The following PLA2G2C variants were observed in gnomAD, a reference collection of about 807,000 sequenced individuals.
The protein encoded by PLA2G2C is phospholipase A2 group IIC, also known as putative inactive group IIC secretory phospholipase A2.
A neutral mutation model predicts 14.3 loss-of-function variants in PLA2G2C; 15 were observed. That is an observed-to-expected ratio of 1.05 (90% CI 0.70 to 1.62). PLA2G2C has a LOEUF of 1.62. PLA2G2C is among the 40% of genes most tolerant of loss of function. The pLI is 0.00. For synonymous variants in PLA2G2C, 79 were observed against 67.7 expected, an observed-to-expected ratio of 1.17 and a Z score of -0.82; for missense variants, 162 against 173.2, an observed-to-expected ratio of 0.94 and a Z score of 0.36.
chr1:20,181,719 G>T (rs1424623775), intron 1 of PLA2G2C, among the ~76,000 whole-genome samples: 1 of 152,198 alleles, frequency 6.6e-6, no homozygotes, highest in African/African-American at 2.4e-5. Context: ...TAATAGGAAG[G>T]TAAGCAAGGG....
chr1:20,164,265 A>C, intron 4 of PLA2G2C, 108 bp from the exon 5 acceptor site: 1 of 1,156,358 alleles, frequency 8.6e-7, no homozygotes, highest in East Asian at 2.5e-5. Context: ...GGTTAAGGAC[A>C]GAAAGGAAAG....
intron 4 of PLA2G2C, among the ~76,000 whole-genome samples, chr1:20,169,861 C>T (rs528663229): frequency 2.0e-5 from 3 of 152,218 alleles, no homozygotes; most frequent in Admixed American, 6.5e-5. Flanking sequence ...GGCCTTACAG[C>T]GAAGCAAACT....
intron 3 of PLA2G2C, among the ~76,000 whole-genome samples, chr1:20,173,333 T>A (rs2018123016): frequency 6.6e-6 from 1 of 151,690 alleles, no homozygotes; most frequent in East Asian, 1.9e-4. Context: ...ATAAATAAAA[T>A]AAAAAATAAT....
At chr1:20,184,036 C>T (rs764679500) in intron 1 of PLA2G2C, among the ~76,000 whole-genome samples, 3 of 152,214 alleles carry the variant, frequency 2.0e-5, no homozygotes, top group Non-Finnish European at 4.4e-5. Context: ...AATGGACTGG[C>T]GCCTTCCTTT....
chr1:20,176,942 A>G (rs2018195850), intron 2 of PLA2G2C, among the ~76,000 whole-genome samples: 1 of 152,228 alleles, frequency 6.6e-6, no homozygotes, highest in Non-Finnish European at 1.5e-5. Context: ...TCTGATAAGC[A>G]TTAATCATTC....
At chr1:20,166,232 C>A (rs532178233) in intron 4 of PLA2G2C, among the ~76,000 whole-genome samples, 2 of 152,218 alleles carry the variant, frequency 1.3e-5, no homozygotes, top group Non-Finnish European at 2.9e-5. Flanking sequence ...GCAAAGTCTG[C>A]GTCCTGCAGA....
intron 1 of PLA2G2C, among the ~76,000 whole-genome samples, chr1:20,178,877 T>C (rs1192178789): frequency 1.3e-5 from 2 of 152,230 alleles, no homozygotes; most frequent in African/African-American, 4.8e-5. Flanking sequence ...CAAAGCCCCA[T>C]GTGGGCTGCA....
intron 1 of PLA2G2C, among the ~76,000 whole-genome samples, chr1:20,181,984 A>T (rs1430506450): frequency 6.6e-6 from 1 of 152,174 alleles, no homozygotes; most frequent in South Asian, 2.1e-4. Context: ...TTCCTCCACT[A>T]GAGAGGTGGA....
chr1:20,163,782 C>T lies in PLA2G2C; in HGVS notation c.*209G>A. ...AGCTCCTGCAGGGCAGGCATCTCAT[C>T]TTTCCCATTTCTGCTCTCCAGCCCT... is the stretch of plus-strand genomic sequence containing the variant. On this transcript the variant is annotated 3_prime_UTR_variant, in exon 5 of 5. Transcript: ENST00000679259. The T allele has an allele frequency of 1.7e-6, 1 of 576,570 alleles. No individual in the cohort carries two copies. Among genetic ancestry groups the T allele is most frequent in the Non-Finnish European group, 3.0e-6 (1 of 333,382 alleles). The allele number at this position is 576,570 out of a possible 1,614,324, so 35.7% of individuals were successfully genotyped here. A position where few individuals can be genotyped will look rare whatever the true frequency, so the allele number is the denominator to read the frequency against.
intron 1 of PLA2G2C, among the ~76,000 whole-genome samples, chr1:20,183,200 T>G (rs573771883): frequency 1.3e-5 from 2 of 152,342 alleles, no homozygotes; most frequent in East Asian, 1.9e-4. Flanking sequence ...AACAATCCTG[T>G]GCTTATCATC....
At chr1:20,179,668 C>T (rs2100724271) in intron 1 of PLA2G2C, among the ~76,000 whole-genome samples, 1 of 141,818 alleles carries the variant, frequency 7.1e-6, no homozygotes, top group Admixed American at 7.2e-5. Flanking sequence ...TCAGCTTCTC[C>T]CTCTATGTCA....
rs1263349618 is a variant in PLA2G2C, at chr1:20,177,382, G to T, written c.-19C>A. The T allele has an allele frequency of 4.3e-6, 3 of 690,798 alleles. No individual in the cohort carries two copies. Among genetic ancestry groups the T allele is most frequent in the Admixed American group, 2.1e-5 (1 of 47,876 alleles). 42.8% of individuals were successfully genotyped at this position (690,798 alleles called of 1,614,324 possible). On this transcript the variant is annotated 5_prime_UTR_variant, in exon 2 of 5. Transcript: ENST00000679259. ...CCTTCATTCCTGAGGAGACCAGGGGGTCTGAGGTTCTACAGCCACGCCTTC... is the reference window on the plus strand; with the variant it reads ...CCTTCATTCCTGAGGAGACCAGGGGTTCTGAGGTTCTACAGCCACGCCTTC...
At chr1:20,184,790 AGGGAGGGAGGTGGGAGAGGGAGAGGT>A (rs2018338025) in intron 1 of PLA2G2C, among the ~76,000 whole-genome samples, 1 of 151,666 alleles carries the variant, frequency 6.6e-6, no homozygotes, top group South Asian at 2.1e-4. Flanking sequence ...AAGAGGGAGG[AGGGAGGGAGGTGGGAGAGGGAGAGGT>A]GGGAGGTTTC....
At chr1:20,173,637 C>G (rs151218483) in intron 3 of PLA2G2C, among the ~76,000 whole-genome samples, 4 of 152,346 alleles carry the variant, frequency 2.6e-5, no homozygotes, top group Non-Finnish European at 4.4e-5. Context: ...CCATTCATGG[C>G]ACCCAGAGTT....
chr1:20,164,719 T>C (rs961836872), intron 4 of PLA2G2C, among the ~76,000 whole-genome samples: 1 of 152,256 alleles, frequency 6.6e-6, no homozygotes, highest in African/African-American at 2.4e-5. Context: ...GATATCCTAG[T>C]GCTCCCTCTG....
chr1:20,171,861 A>C (rs2018083121), intron 4 of PLA2G2C, among the ~76,000 whole-genome samples: 1 of 143,570 alleles, frequency 7.0e-6, no homozygotes, highest in Non-Finnish European at 1.5e-5. Context: ...TCCCGGGTTC[A>C]CGCCATTCTC....
intron 1 of PLA2G2C, among the ~76,000 whole-genome samples, chr1:20,178,730 G>A (rs2018229632): frequency 6.6e-6 from 1 of 152,194 alleles, no homozygotes. Context: ...GGACCTGGGT[G>A]CATTACTGGT....
intron 4 of PLA2G2C, among the ~76,000 whole-genome samples, chr1:20,168,480 A>C (rs1569925605): frequency 6.6e-6 from 1 of 152,284 alleles, no homozygotes; most frequent in East Asian, 1.9e-4. Flanking sequence ...GGTGGGGGAG[A>C]GTCGAGGCAC....
chr1:20,167,788 C>T (rs1039920984), intron 4 of PLA2G2C, among the ~76,000 whole-genome samples: 1 of 152,220 alleles, frequency 6.6e-6, no homozygotes, highest in Non-Finnish European at 1.5e-5. Flanking sequence ...GCTCCTAGCA[C>T]ATTGGCCCTG....
Sources: allele counts gnomAD v4.1 joint callset (sites outside exome capture counted in the v4.1 genomes callset), GRCh38; gene constraint gnomAD v4.1.1; transcripts MANE v1.5; gene names NCBI Gene and HGNC (gene_info 2026-07-23, HGNC 2026-07-21).